PCDH15: variants seen among roughly 807,000 people sequenced by gnomAD.
PCDH15 encodes the protein protocadherin-15.
A neutral mutation model predicts 178.5 loss-of-function variants in PCDH15; 129 were observed. The observed-to-expected ratio is 0.72, with a 90% confidence interval of 0.63 to 0.84. PCDH15 has a LOEUF of 0.84. Ranked by LOEUF, PCDH15 falls within the 40% of genes least tolerant of loss-of-function variation. The probability of loss-of-function intolerance (pLI) is 0.00; values close to 1 mark genes in which losing one functional copy is unlikely to be tolerated. For synonymous variants in PCDH15, 800 were observed against 732.0 expected (o/e 1.09, Z -1.50); for missense variants, 2,230 against 2,099.9 (o/e 1.06, Z -1.21).
At chr10:55,371,156 G>A (rs1845498280) in intron 2 of PCDH15, among the ~76,000 whole-genome samples, 1 of 152,092 alleles carries the variant, frequency 6.6e-6, no homozygotes, top group Admixed American at 6.6e-5. Flanking sequence ...ATAGGATAGA[G>A]ATACGGAGAG....
chr10:53,819,505 A>G (rs1380238148), intron 33 of PCDH15, among the ~76,000 whole-genome samples: 2 of 152,046 alleles, frequency 1.3e-5, no homozygotes, highest in Non-Finnish European at 2.9e-5. Context: ...GCCAGTTCAT[A>G]TAATATCGAT....
intron 2 of PCDH15, among the ~76,000 whole-genome samples, chr10:55,499,407 A>G (rs1840605358): frequency 4.2e-5 from 1 of 23,630 alleles, no homozygotes; most frequent in Non-Finnish European, 7.2e-5. Flanking sequence ...CTCTCCCTAC[A>G]CACACACACA....
intron 2 of PCDH15, among the ~76,000 whole-genome samples, chr10:54,588,883 AT>A (rs1451338655): frequency 1.3e-5 from 2 of 152,144 alleles, no homozygotes; most frequent in African/African-American, 4.8e-5. Flanking sequence ...CTGATGTGCC[AT>A]AATTTGTAAA....
intron 28 of PCDH15, among the ~76,000 whole-genome samples, chr10:53,854,418 T>C (rs1002777550): frequency 1.3e-5 from 2 of 152,062 alleles, no homozygotes; most frequent in East Asian, 3.8e-4. Flanking sequence ...CTATGTTTTT[T>C]AATCACAACA....
intron 3 of PCDH15, among the ~76,000 whole-genome samples, chr10:54,425,010 A>T (rs867938747): frequency 0.034 from 4,458 of 132,188 alleles, 230 homozygotes; most frequent in African/African-American, 0.15. Flanking sequence ...AAGTATAATA[A>T]AAAAAAAAAA....
intron 1 of PCDH15, among the ~76,000 whole-genome samples, chr10:55,197,497 C>T (rs1564883971): frequency 6.6e-6 from 1 of 152,046 alleles, no homozygotes; most frequent in South Asian, 2.1e-4. Context: ...GACTTCAACA[C>T]TGTAGCTTTA....
At chr10:55,256,271 G>T (rs1841995416) in intron 1 of PCDH15, among the ~76,000 whole-genome samples, 1 of 152,194 alleles carries the variant, frequency 6.6e-6, no homozygotes, top group Non-Finnish European at 1.5e-5. Context: ...AATAGGAACA[G>T]CTCCAGTCTA....
intron 1 of PCDH15, among the ~76,000 whole-genome samples, chr10:54,755,117 A>T (rs1946896456): frequency 6.6e-6 from 1 of 151,688 alleles, no homozygotes; most frequent in South Asian, 2.1e-4. Context: ...TTTTCAGTAG[A>T]GACAGGGTTT....
At chr10:55,060,701 G>A (rs1841407895) in intron 2 of PCDH15, among the ~76,000 whole-genome samples, 1 of 151,798 alleles carries the variant, frequency 6.6e-6, no homozygotes, top group African/African-American at 2.4e-5. Context: ...GAAAACAATT[G>A]TTTTCAAAAA....
chr10:53,959,960 T>G lies in PCDH15; in HGVS notation c.3010-116A>C, dbSNP rs2088113466. On this transcript the variant is annotated intron_variant, in intron 22 of 37. Transcript: ENST00000644397. ...TGCCTGGTTCCAGAAGGGGAAGCAA[T>G]GATCATTTCCTCACTGCCTACCAGG... 4 of 809,372 alleles carry G rather than the reference T, an allele frequency of 4.9e-6. No individual in the cohort carries two copies. In the South Asian group the frequency reaches 5.8e-5, roughly 12 times the overall value. 50.1% of individuals were successfully genotyped at this position (809,372 alleles called of 1,614,324 possible). A position where few individuals can be genotyped will look rare whatever the true frequency, so the allele number is the denominator to read the frequency against.
rs1259290235 is a variant in PCDH15 at position 54,134,155 on chromosome 10, T to C, written c.1785-1148A>G. On this transcript the variant is annotated intron_variant, in intron 14 of 37. Coordinates refer to ENST00000644397, the MANE Select transcript of PCDH15 (RefSeq NM_001384140.1). The stretch of plus-strand genomic sequence containing the variant: ...ACCTCCCGGGTTCAAGTGATTCTCC[T>C]GCCTCAGCCTCCCAAGTAGCTGGGA... Among the ~76,000 whole-genome samples the C allele has an allele frequency of 1.5e-5, 2 of 134,544 alleles. 1 individual carries two copies. The highest frequency in any genetic ancestry group is 5.1e-5 in the African/African-American group (2 of 39,092). 88.3% of individuals were successfully genotyped at this position (134,544 alleles called of 152,430 possible). A position where few individuals can be genotyped will look rare whatever the true frequency, so the allele number is the denominator to read the frequency against.
chr10:54,218,941 A>G (rs1371980591), intron 9 of PCDH15, among the ~76,000 whole-genome samples: 3 of 152,190 alleles, frequency 2.0e-5, no homozygotes, highest in South Asian at 4.1e-4. Context: ...ATAAATGGAA[A>G]GAGAACCACT....
intron 1 of PCDH15, among the ~76,000 whole-genome samples, chr10:55,228,928 A>C (rs930162170): frequency 6.6e-6 from 1 of 151,980 alleles, no homozygotes; most frequent in Non-Finnish European, 1.5e-5. Context: ...AGCTAAGCTC[A>C]TGAGCATTAA....
chr10:54,498,805 G>A (rs954525960), intron 3 of PCDH15, among the ~76,000 whole-genome samples: 2 of 152,116 alleles, frequency 1.3e-5, no homozygotes, highest in Non-Finnish European at 2.9e-5. Context: ...AATTTATAAA[G>A]AAAAGAGGTT....
intron 2 of PCDH15, among the ~76,000 whole-genome samples, chr10:55,110,746 G>A (rs1177091876): frequency 6.6e-6 from 1 of 151,778 alleles, no homozygotes. Flanking sequence ...GGATCTGATG[G>A]CATTCATTTG....
chr10:54,642,721 G>GT (rs1269742027), intron 2 of PCDH15, among the ~76,000 whole-genome samples: 3 of 152,154 alleles, frequency 2.0e-5, no homozygotes, highest in Middle Eastern at 6.8e-3. Context: ...ATTTTACATT[G>GT]TTTTTTATAC....
chr10:53,898,123 C>T (rs919841527), intron 26 of PCDH15, among the ~76,000 whole-genome samples: 19 of 144,032 alleles, frequency 1.3e-4, no homozygotes, highest in East Asian at 2.2e-4. Context: ...CCCACCACCA[C>T]GCCTGGCTAA....
chr10:54,632,057 A>C (rs1459213534), intron 2 of PCDH15, among the ~76,000 whole-genome samples: 1 of 152,168 alleles, frequency 6.6e-6, no homozygotes, highest in Non-Finnish European at 1.5e-5. Context: ...AGATTGGATA[A>C]AGAAAATGTA....
Position 54,126,274 on chromosome 10 carries a change from T to C in PCDH15, c.1917+6601A>G, listed in dbSNP as rs558473364. Among the ~76,000 whole-genome samples, 4 of 152,192 alleles carry C rather than the reference T, an allele frequency of 2.6e-5. No individual in the cohort carries two copies. In the East Asian group the frequency reaches 7.7e-4, roughly 29 times the overall value. On this transcript the variant is annotated intron_variant, in intron 15 of 37. Coordinates refer to ENST00000644397, the MANE Select transcript of PCDH15 (RefSeq NM_001384140.1). Reference sequence around the variant, plus strand: ...TTAGTAGAGACAGGGATTCACCATATTGGCCAGATGGGTCTGAAACTCCTG... The same window carrying C: ...TTAGTAGAGACAGGGATTCACCATACTGGCCAGATGGGTCTGAAACTCCTG...
Sources: allele counts gnomAD v4.1 joint callset (sites outside exome capture counted in the v4.1 genomes callset), GRCh38; gene constraint gnomAD v4.1.1; transcripts MANE v1.5; gene names NCBI Gene and HGNC (gene_info 2026-07-23, HGNC 2026-07-21).